Variants in FAM163B observed in about 807,000 individuals in gnomAD.
FAM163B encodes family with sequence similarity 163 member B.
Under a neutral mutation model 7.6 loss-of-function variants are expected in FAM163B, and 4 were observed. That is an observed-to-expected ratio of 0.52 (90% confidence interval 0.26 to 1.20). FAM163B has a LOEUF of 1.20. Among genes scored for constraint, FAM163B ranks in the 50% most tolerant of loss-of-function variants. The probability of loss-of-function intolerance (pLI) is 0.14; values close to 1 mark genes in which losing one functional copy is unlikely to be tolerated. For missense variants in FAM163B, 250 were observed against 243.0 expected (o/e 1.03, Z -0.19); for synonymous variants, 120 against 111.6 (o/e 1.07, Z -0.47).
intron 1 of FAM163B, among the ~76,000 whole-genome samples, chr9:133,605,603 C>T (rs541485895): frequency 2.6e-5 from 4 of 152,314 alleles, no homozygotes; most frequent in Admixed American, 6.5e-5. Flanking sequence ...GGGCTGAGAG[C>T]GCCCAGAGCA....
At chr9:133,594,157 G>T (rs1831596830) in intron 1 of FAM163B, among the ~76,000 whole-genome samples, 1 of 152,212 alleles carries the variant, frequency 6.6e-6, no homozygotes, top group Non-Finnish European at 1.5e-5. Flanking sequence ...TGTGCTCTCG[G>T]AATAGTGCCA....
At chr9:133,592,022 C>T (rs371494972) in intron 1 of FAM163B, among the ~76,000 whole-genome samples, 9 of 152,216 alleles carry the variant, frequency 5.9e-5, no homozygotes, top group African/African-American at 2.2e-4. Context: ...CCCTAGTGCT[C>T]GCGGCCTGGC....
intron 1 of FAM163B, among the ~76,000 whole-genome samples, chr9:133,587,309 A>T (rs1831453984): frequency 6.6e-6 from 1 of 152,178 alleles, no homozygotes. Context: ...GTGGACCAGG[A>T]GGAGAGGAGC....
intron 1 of FAM163B, among the ~76,000 whole-genome samples, chr9:133,587,752 G>A (rs1470464201): frequency 6.6e-6 from 1 of 152,068 alleles, no homozygotes; most frequent in African/African-American, 2.4e-5. Context: ...CTCTCAGGCT[G>A]GAGCTTTGGG....
rs1831301095 is a variant in FAM163B, at chr9:133,579,044, C to CGTGGAG, written c.478_479insCTCCAC (p.Ser159_Arg160insProPro). The CGTGGAG allele has an allele frequency of 6.4e-7, 1 of 1,561,044 alleles. No individual in the cohort carries two copies. The highest frequency in any genetic ancestry group is 1.9e-5 in the Admixed American group (1 of 53,142). On this transcript the variant is annotated inframe_insertion, in exon 3 of 3. Coordinates refer to ENST00000673969, the MANE Select transcript of FAM163B (RefSeq NM_001080515.3). ...AGGTCACACGTCGGTGCTGATGCTG[C>CGTGGAG]GGCTCCTGGCGAAGGCCTCCCGCAT... is the stretch of plus-strand genomic sequence containing the variant.
At chr9:133,586,914 C>G (rs977786303) in intron 1 of FAM163B, among the ~76,000 whole-genome samples, 2 of 152,158 alleles carry the variant, frequency 1.3e-5, no homozygotes, top group Admixed American at 1.3e-4. Context: ...CCAGCGTAGG[C>G]GGCTTTCCCA....
At chr9:133,580,281 C>T (rs1255401926) in intron 1 of FAM163B, 35 bp from the exon 2 acceptor site, 3 of 1,469,576 alleles carry the variant, frequency 2.0e-6, no homozygotes, top group Non-Finnish European at 2.8e-6. Context: ...GAGCATCACG[C>T]TTCCTCACCA....
At chr9:133,594,000 A>C (rs3025309) in intron 1 of FAM163B, among the ~76,000 whole-genome samples, 119,212 of 152,184 alleles carry the variant, frequency 0.78, 47,477 homozygotes, top group African/African-American at 0.93. Context: ...ACAGGGGTGG[A>C]CCGTGTGGAG....
intron 1 of FAM163B, among the ~76,000 whole-genome samples, chr9:133,598,328 G>A (rs1831660989): frequency 1.3e-5 from 2 of 151,782 alleles, no homozygotes; most frequent in East Asian, 3.9e-4. Context: ...TGGGGTGTGA[G>A]GCATGTTCTG....
At chr9:133,582,853 G>A (rs1831376668) in intron 1 of FAM163B, among the ~76,000 whole-genome samples, 2 of 152,202 alleles carry the variant, frequency 1.3e-5, no homozygotes, top group Admixed American at 1.3e-4. Flanking sequence ...CTGTAGCCAC[G>A]GGTGGGGTTT....
chr9:133,578,797 C>T lies in FAM163B; in HGVS notation c.*225G>A. 1.3e-6 allele frequency: 1 copy of T among 779,284 alleles called. No individual in the cohort carries two copies. The highest frequency in any genetic ancestry group is 1.9e-6 in the Non-Finnish European group (1 of 536,576). The allele number at this position is 779,284 out of a possible 1,614,324, so 48.3% of individuals were successfully genotyped here. A position where few individuals can be genotyped will look rare whatever the true frequency, so the allele number is the denominator to read the frequency against. On this transcript the variant is annotated 3_prime_UTR_variant, in exon 3 of 3. Transcript: ENST00000673969. ...CTGTATGGTCACCTGGTCCTTCTAG[C>T]CCCAGGCCCCAGCTGTGCCTCCCCC...
At chr9:133,605,730 C>T (rs1831781771) in intron 1 of FAM163B, among the ~76,000 whole-genome samples, 1 of 152,186 alleles carries the variant, frequency 6.6e-6, no homozygotes, top group Admixed American at 6.5e-5. Flanking sequence ...GCGGCCCATC[C>T]CGAGCGTCCG....
intron 1 of FAM163B, among the ~76,000 whole-genome samples, chr9:133,602,270 G>C (rs1831740009): frequency 6.6e-6 from 1 of 152,194 alleles, no homozygotes; most frequent in African/African-American, 2.4e-5. Flanking sequence ...AAAGAGCCAG[G>C]CCCATGTTCA....
At chr9:133,595,796 C>G (rs542687440) in intron 1 of FAM163B, among the ~76,000 whole-genome samples, 1 of 152,312 alleles carries the variant, frequency 6.6e-6, no homozygotes, top group Admixed American at 6.5e-5. Context: ...TTACCCCATA[C>G]TTGGCATATT....
intron 1 of FAM163B, among the ~76,000 whole-genome samples, chr9:133,584,596 A>G (rs1162935201): frequency 2.0e-5 from 3 of 152,264 alleles, no homozygotes; most frequent in Non-Finnish European, 4.4e-5. Flanking sequence ...TTTGGCTCCC[A>G]AGGATACTTG....
At chr9:133,583,793 G>T (rs1289657588) in intron 1 of FAM163B, among the ~76,000 whole-genome samples, 1 of 152,198 alleles carries the variant, frequency 6.6e-6, no homozygotes, top group African/African-American at 2.4e-5. Context: ...CAACACCCAG[G>T]CTGGTCCAGC....
intron 1 of FAM163B, among the ~76,000 whole-genome samples, chr9:133,587,672 A>T (rs867257796): frequency 0.014 from 2,188 of 152,142 alleles, 58 homozygotes; most frequent in African/African-American, 0.049. Flanking sequence ...ACCCCGGCTG[A>T]GGGCTGCCTG....
intron 1 of FAM163B, among the ~76,000 whole-genome samples, chr9:133,590,522 G>C (rs1831536604): frequency 6.6e-6 from 1 of 152,224 alleles, no homozygotes; most frequent in Non-Finnish European, 1.5e-5. Flanking sequence ...GGCACAAAGA[G>C]GGAGGAAGCA....
chr9:133,603,889 T>G (rs10761397), intron 1 of FAM163B, among the ~76,000 whole-genome samples: 100,906 of 152,118 alleles, frequency 0.66, 35,455 homozygotes, highest in African/African-American at 0.9. Context: ...ACCCAGGCTG[T>G]AGTGCAGTGG....
Sources: allele counts gnomAD v4.1 joint callset (sites outside exome capture counted in the v4.1 genomes callset), GRCh38; gene constraint gnomAD v4.1.1; transcripts MANE v1.5; gene names NCBI Gene and HGNC (gene_info 2026-07-23, HGNC 2026-07-21).